PES1: variants seen among roughly 807,000 people sequenced by gnomAD.
PES1 encodes pescadillo ribosomal biogenesis factor 1.
PES1 carries 31 observed loss-of-function variants against 77.1 expected under a neutral mutation model. The observed-to-expected ratio is 0.40, with a 90% confidence interval of 0.30 to 0.54. PES1 has a LOEUF of 0.54. Among genes scored for constraint, PES1 ranks in the 20% least tolerant of loss-of-function variants. PES1 has a pLI of 0.45. For missense variants in PES1, 658 were observed against 771.7 expected (o/e 0.85, Z 1.75); for synonymous variants, 282 against 303.0 (o/e 0.93, Z 0.72).
chr22:30,578,820 G>A lies in PES1; in HGVS notation c.1683+17C>T, dbSNP rs1326808889. The A allele has an allele frequency of 3.7e-6, 6 of 1,611,796 alleles. No homozygotes were observed. Among genetic ancestry groups the A allele is most frequent in the East Asian group, 4.5e-5 (2 of 44,882 alleles). ...TGGTGGCCACACCTGGATCTCAAGT[G>A]GGTGGCAAGAACTCACCTCTCGGAT... is the stretch of plus-strand genomic sequence containing the variant. On this transcript the variant is annotated intron_variant, in intron 14 of 14. Coordinates refer to ENST00000354694, the MANE Select transcript of PES1 (RefSeq NM_014303.4).
At chr22:30,590,712 T>A (rs2087163220) in intron 1 of PES1, among the ~76,000 whole-genome samples, 1 of 152,124 alleles carries the variant, frequency 6.6e-6, no homozygotes, top group Non-Finnish European at 1.5e-5. Flanking sequence ...ACATTTTTGG[T>A]TGCTGGGTGC....
chr22:30,604,704 A>G (rs1197867970), intron 2 of PES1, among the ~76,000 whole-genome samples: 2 of 152,018 alleles, frequency 1.3e-5, no homozygotes, highest in African/African-American at 4.8e-5. Context: ...CTGGCTTTAG[A>G]GGTCCCTGTT....
At chr22:30,602,942 G>A (rs934275983) in intron 2 of PES1, among the ~76,000 whole-genome samples, 33 of 151,310 alleles carry the variant, frequency 2.2e-4, no homozygotes, top group African/African-American at 7.3e-4. Flanking sequence ...AAGGAGTCTC[G>A]CTCTGTTGTC....
rs561774825 is a variant in PES1, at chr22:30,591,135, T to C, written c.24+675A>G. Among the ~76,000 whole-genome samples, 4 of 152,108 alleles carry C rather than the reference T, an allele frequency of 2.6e-5. No individual in the cohort carries two copies. In the East Asian group the frequency reaches 7.7e-4, roughly 29 times the overall value. ...CTCCTCCTTTTTTTCCTACTGCACG[T>C]AGAATAAAATCCAAGCTCTACACTA... On this transcript the variant is annotated intron_variant, in intron 1 of 14. Coordinates refer to ENST00000354694, the MANE Select transcript of PES1 (RefSeq NM_014303.4).
At chr22:30,587,936 T>C (rs1013498873) in intron 3 of PES1, 85 bp downstream of exon 3, 52 of 1,352,316 alleles carry the variant, frequency 3.8e-5, no homozygotes, top group Non-Finnish European at 5.2e-5. Context: ...TCAGAGAGGG[T>C]AGGCAATCTG....
chr22:30,589,383 G>A, intron 1 of PES1, 113 bp from the exon 2 acceptor site: 1 of 841,808 alleles, frequency 1.2e-6, no homozygotes, highest in Non-Finnish European at 1.9e-6. Flanking sequence ...TGGCTGAGAT[G>A]AGTCTAGGAG....
upstream of PES1, among the ~76,000 whole-genome samples, chr22:30,596,302 G>A (rs1222544621): frequency 6.6e-6 from 1 of 151,862 alleles, no homozygotes; most frequent in Non-Finnish European, 1.5e-5. Context: ...TAAAATATAA[G>A]CATTAAAAAT....
intron 2 of PES1, chr22:30,603,737 A>T (rs778493746): frequency 3.9e-5 from 6 of 152,332 alleles, no homozygotes; most frequent in Middle Eastern, 3.4e-3. Context: ...GATATTTCAT[A>T]TAGAACTAGA....
At chr22:30,600,950 G>A (rs971365427) in intron 2 of PES1, among the ~76,000 whole-genome samples, 2 of 152,200 alleles carry the variant, frequency 1.3e-5, no homozygotes, top group Non-Finnish European at 2.9e-5. Context: ...TCTCTCTTAA[G>A]GTAATCTCAG....
chr22:30,581,006 G>A lies in PES1; in HGVS notation c.912+6C>T, dbSNP rs1412864173. 1 of 1,610,364 alleles carries A rather than the reference G, an allele frequency of 6.2e-7. No individual in the cohort carries two copies. The highest frequency in any genetic ancestry group is 2.2e-5 in the East Asian group (1 of 44,872). ...CCCTCCTGCCAGAAGGCAGTGCAGT[G>A]CTCACCCCATCGGTGGGAAACTCAT... On this transcript the variant is annotated splice_donor_region_variant and intron_variant, in intron 9 of 14. Transcript: ENST00000354694.
In PES1 at chr22:30,584,692, G is replaced by C. The variant is rs141115125; in HGVS notation, c.394C>G (p.Arg132Gly). The change falls in exon 5 of 15, where the codon CGG becomes GGG. Residue 132 changes from arginine to glycine, a missense_variant. Coordinates refer to ENST00000354694, the MANE Select transcript of PES1 (RefSeq NM_014303.4). ...ATGGAGAGGGCATCGTCCAGGTCCC[G>C]CAGGGCATCGATGAACGTGGGATAC... ...ERYPTFIDAL[R>G]DLDDALSMCF... 6.2e-7 allele frequency: 1 copy of C among 1,613,770 alleles called. No individual in the cohort carries two copies. The highest frequency in any genetic ancestry group is 2.2e-5 in the East Asian group (1 of 44,888).
chr22:30,597,793 T>A (rs1039402995), intron 2 of PES1, among the ~76,000 whole-genome samples: 2 of 151,694 alleles, frequency 1.3e-5, no homozygotes, highest in African/African-American at 2.4e-5. Flanking sequence ...CAGCAGTATG[T>A]GGGTGGGGCC....
Position 30,581,662 on chromosome 22 carries a change from T to C in PES1, c.631-18A>G, listed in dbSNP as rs1290637936. Reference sequence around the variant, plus strand: ...GTCGGGTGCTGGGGAACACAAGAGATGCATGAGCAGTGTGGGTGCAGGGAT... The same window carrying C: ...GTCGGGTGCTGGGGAACACAAGAGACGCATGAGCAGTGTGGGTGCAGGGAT... On this transcript the variant is annotated intron_variant, in intron 6 of 14. Transcript: ENST00000354694. The C allele has an allele frequency of 6.4e-7, 1 of 1,553,552 alleles. No homozygotes were observed.
Position 30,581,562 on chromosome 22 carries a change from A to G in PES1, c.713T>C (p.Leu238Pro). Residue 238 changes from leucine (L) to proline (P), a missense_variant, in exon 7 of 15, where the codon CTT (leucine) becomes CCT (proline). Physicochemically the swap from Leu to Pro is moderately conservative, Grantham distance 98 (BLOSUM62 -3). Coordinates refer to ENST00000354694, the MANE Select transcript of PES1 (RefSeq NM_014303.4). Reference protein sequence around the residue: ...TTLLGFVNFRLYQLLNLHYPP... With the variant: ...TTLLGFVNFRPYQLLNLHYPP... ...ATAGTGGAGGTTGAGCAACTGGTAA[A>G]GGCGGAAGTTGACAAAGCCCAGCAG... 1 of 1,613,900 alleles carries G rather than the reference A, an allele frequency of 6.2e-7. No individual in the cohort carries two copies. The highest frequency in any genetic ancestry group is 8.5e-7 in the Non-Finnish European group (1 of 1,179,994).
At chr22:30,587,938 G>A (rs2087116599) in intron 3 of PES1, 83 bp downstream of exon 3, 30 of 1,379,230 alleles carry the variant, frequency 2.2e-5, no homozygotes, top group Non-Finnish European at 3.1e-5. Context: ...AGAGAGGGTA[G>A]GCAATCTGCC....
chr22:30,603,628 C>G (rs1417544660), intron 2 of PES1: 1 of 152,110 alleles, frequency 6.6e-6, no homozygotes, highest in East Asian at 1.9e-4. Flanking sequence ...GTGATCCACC[C>G]GCCTCGGCCT....
chr22:30,584,712 G>C lies in PES1; in HGVS notation c.374C>G (p.Pro125Arg). 1 of 1,613,538 alleles carries C rather than the reference G, an allele frequency of 6.2e-7. No homozygotes were observed. The highest frequency in any genetic ancestry group is 1.1e-5 in the South Asian group (1 of 91,066). The change falls in exon 5 of 15, where the codon CCC (proline) becomes CGC (arginine). Residue 125 changes from proline to arginine, a missense_variant. Pro to Arg is a moderately radical substitution (Grantham distance 103, BLOSUM62 -2). Transcript: ENST00000354694. ...GTCCCGCAGGGCATCGATGAACGTGGGATACCTGCATGGCCAGTGAGGCAG... is the reference window on the plus strand; with the variant it reads ...GTCCCGCAGGGCATCGATGAACGTGCGATACCTGCATGGCCAGTGAGGCAG... ...KLDHIIKERY[P>R]TFIDALRDLD... is the part of the protein sequence containing the mutation.
chr22:30,605,537 T>C, intron 1 of PES1: 6 of 963,804 alleles, frequency 6.2e-6, no homozygotes, highest in Non-Finnish European at 7.4e-6. Flanking sequence ...GGAATCATAA[T>C]AGTTGTTACT....
chr22:30,603,707 C>G (rs1367827797), intron 2 of PES1: 1 of 152,120 alleles, frequency 6.6e-6, no homozygotes, highest in Non-Finnish European at 1.5e-5. Context: ...AATATATATA[C>G]ACTTTTAATC....
Sources: gnomAD v4.1 joint callset for allele counts (sites outside exome capture counted in the v4.1 genomes callset) on GRCh38, gnomAD v4.1.1 for gene constraint, MANE v1.5 for transcripts, NCBI Gene and HGNC (gene_info 2026-07-23, HGNC 2026-07-21) for gene names.